Variants in SPC25 observed in about 807,000 individuals in gnomAD.
The protein encoded by SPC25 is kinetochore protein Spc25.
In SPC25, 22 loss-of-function variants were observed where a neutral mutation model predicts 29.6. The ratio of observed to expected loss-of-function variants is 0.74; its 90% confidence interval spans 0.53 to 1.06. The LOEUF is 1.06. Among genes scored for constraint, SPC25 ranks in the 50% least tolerant of loss-of-function variants. The pLI is 0.00. For synonymous variants in SPC25, 91 were observed against 90.4 expected, an observed-to-expected ratio of 1.01 and a Z score of -0.04; for missense variants, 230 against 255.8, an observed-to-expected ratio of 0.90 and a Z score of 0.69.
downstream of SPC25, among the ~76,000 whole-genome samples, chr2:168,867,047 C>A (rs1689873145): frequency 6.6e-6 from 1 of 152,134 alleles, no homozygotes; most frequent in Non-Finnish European, 1.5e-5. Flanking sequence ...CTAGTTCAAC[C>A]ATTGTGGAAG....
chr2:168,862,016 G>T (rs745874215), intron 4 of SPC25: 7 of 1,614,050 alleles, frequency 4.3e-6, no homozygotes, highest in Admixed American at 1.7e-5. Context: ...TTCTTTTCAA[G>T]CCAGGCAAGA....
chr2:168,866,638 A>C (rs1689859491), downstream of SPC25, among the ~76,000 whole-genome samples: 1 of 152,166 alleles, frequency 6.6e-6, no homozygotes, highest in Non-Finnish European at 1.5e-5. Flanking sequence ...GGATCTAATT[A>C]AACTAAAGAG....
At chr2:168,861,976 G>C (rs765881952) in intron 4 of SPC25, 7 of 1,614,194 alleles carry the variant, frequency 4.3e-6, no homozygotes, top group South Asian at 3.3e-5. Flanking sequence ...GTGCAGCCCA[G>C]CTCAGCAGCA....
At chr2:168,890,118 AC>A (rs767171218) in intron 1 of SPC25, among the ~76,000 whole-genome samples, 199 bp downstream of exon 1, 2 of 152,122 alleles carry the variant, frequency 1.3e-5, no homozygotes, top group Non-Finnish European at 2.9e-5. Context: ...TCCCAGGAGG[AC>A]CAAAGATACC....
Position 168,890,417 on chromosome 2 carries a change from A to C in SPC25, c.-114T>G. On this transcript the variant is annotated 5_prime_UTR_variant, in exon 1 of 7. Transcript: ENST00000282074. ...TAGGCTCAGCTCCCGCAGCCCCGCCAACTTTCCGATTTCAAACCTAGTGCA... is the reference window on the plus strand; with the variant it reads ...TAGGCTCAGCTCCCGCAGCCCCGCCCACTTTCCGATTTCAAACCTAGTGCA... 4.1e-6 allele frequency: 4 copies of C among 985,442 alleles called. No individual in the cohort carries two copies. Among genetic ancestry groups the C allele is most frequent in the Non-Finnish European group, 4.8e-6 (4 of 829,994 alleles). 61.0% of individuals were successfully genotyped at this position (985,442 alleles called of 1,614,324 possible).
At chr2:168,863,472 A>C (rs187350099) in intron 4 of SPC25, 2 of 985,302 alleles carry the variant, frequency 2.0e-6, no homozygotes, top group East Asian at 2.3e-4. Flanking sequence ...TGACGGGGGC[A>C]GATGATCCTG....
Position 168,889,398 on chromosome 2 carries a change from T to C in SPC25, c.122A>G (p.Lys41Arg). The part of the protein sequence containing the change: ...GLRDTYKDSI[K>R]AFAEKLSVKL... Reference sequence around the variant, plus strand: ...TTAACACTAGGTACCTGCAAATGCTTTGATGGAATCCTTGTAGGTATCTCT... The same window carrying C: ...TTAACACTAGGTACCTGCAAATGCTCTGATGGAATCCTTGTAGGTATCTCT... Residue 41 changes from lysine to arginine, a missense_variant, in exon 2 of 7, where the codon AAA becomes AGA. By Grantham distance (26) the Lys-to-Arg change is conservative (BLOSUM62 2). Coordinates refer to ENST00000282074, the MANE Select transcript of SPC25 (RefSeq NM_020675.4). The C allele has an allele frequency of 1.2e-6, 2 of 1,614,126 alleles. No homozygotes were observed. Among genetic ancestry groups the C allele is most frequent in the Non-Finnish European group, 1.7e-6 (2 of 1,180,010 alleles).
chr2:168,864,059 C>T lies in SPC25; in HGVS notation n.419+9526G>A, dbSNP rs566369799. Reference sequence around the variant, plus strand: ...CCAAGCTCACTGCAACCTCCGTCTCCTGGATTCAAGTGATTCTCCTGCCTC... The same window carrying T: ...CCAAGCTCACTGCAACCTCCGTCTCTTGGATTCAAGTGATTCTCCTGCCTC... On this transcript the variant is annotated intron_variant and non_coding_transcript_variant, in intron 4 of 4. Coordinates refer to the SPC25 transcript ENST00000479309. Among the ~76,000 whole-genome samples, 5 of 151,724 alleles carry T rather than the reference C, an allele frequency of 3.3e-5. No individual in the cohort carries two copies. In the East Asian group the frequency reaches 9.8e-4, roughly 30 times the overall value.
intron 3 of SPC25, among the ~76,000 whole-genome samples, 198 bp downstream of exon 3, chr2:168,889,024 CATAT>C (rs567371519): frequency 2.9e-4 from 15 of 51,516 alleles, no homozygotes; most frequent in African/African-American, 1.2e-3. Flanking sequence ...TATATATACA[CATAT>C]ATATACATAT....
downstream of SPC25, among the ~76,000 whole-genome samples, chr2:168,867,696 T>C (rs1215857351): frequency 6.6e-6 from 1 of 152,236 alleles, no homozygotes; most frequent in Non-Finnish European, 1.5e-5. Context: ...CTATCCTAAA[T>C]ATATATGCAC....
intron 4 of SPC25, 76 bp from the exon 5 acceptor site, chr2:168,876,252 CT>C: frequency 9.6e-7 from 1 of 1,040,884 alleles, no homozygotes; most frequent in East Asian, 3.1e-5. Context: ...ATTTTTTAAA[CT>C]TAAAATCAAC....
intron 4 of SPC25, among the ~76,000 whole-genome samples, chr2:168,862,400 TGG>T (rs1689519509): frequency 6.6e-6 from 1 of 151,338 alleles, no homozygotes; most frequent in Non-Finnish European, 1.5e-5. Flanking sequence ...GATTTGAACT[TGG>T]AAACACAGTC....
At chr2:168,865,219 G>C (rs1228149541) in intron 4 of SPC25, 1 of 449,046 alleles carries the variant, frequency 2.2e-6, no homozygotes, top group Non-Finnish European at 4.0e-6. Context: ...GGAGACCCTA[G>C]AGATGATCCA....
chr2:168,867,837 C>G (rs1305714149), downstream of SPC25, among the ~76,000 whole-genome samples: 2 of 152,216 alleles, frequency 1.3e-5, no homozygotes, highest in Non-Finnish European at 2.9e-5. Flanking sequence ...TTGAACTCAG[C>G]TCTGCACCAA....
At chr2:168,862,920 A>G (rs960212861) in intron 4 of SPC25, among the ~76,000 whole-genome samples, 7 of 152,254 alleles carry the variant, frequency 4.6e-5, no homozygotes, top group Non-Finnish European at 1.0e-4. Flanking sequence ...TACATTTTGT[A>G]GCCAAACGAC....
At chr2:168,881,743 GT>G (rs1260861210) in intron 3 of SPC25, among the ~76,000 whole-genome samples, 1 of 152,148 alleles carries the variant, frequency 6.6e-6, no homozygotes, top group Non-Finnish European at 1.5e-5. Flanking sequence ...TTTAATTCCA[GT>G]ATCATAATTA....
chr2:168,862,861 T>C (rs1689553614), intron 4 of SPC25, among the ~76,000 whole-genome samples: 1 of 152,216 alleles, frequency 6.6e-6, no homozygotes, highest in Admixed American at 6.5e-5. Flanking sequence ...GGAGAAAGAA[T>C]ATTATCCACG....
At chr2:168,873,970 G>A (rs1483739644) in intron 5 of SPC25, among the ~76,000 whole-genome samples, 3 of 152,052 alleles carry the variant, frequency 2.0e-5, no homozygotes, top group African/African-American at 7.2e-5. Context: ...TAAAGAATGG[G>A]AGAAAATATT....
intron 4 of SPC25, chr2:168,861,845 AG>A: frequency 1.1e-6 from 1 of 933,262 alleles, no homozygotes. Flanking sequence ...TTTCCTTTTG[AG>A]AAAAATTTAA....
Sources: gnomAD v4.1 joint callset for allele counts (sites outside exome capture counted in the v4.1 genomes callset) on GRCh38, gnomAD v4.1.1 for gene constraint, MANE v1.5 for transcripts, NCBI Gene and HGNC (gene_info 2026-07-23, HGNC 2026-07-21) for gene names.